The following PREX2 variants were observed in gnomAD, a reference collection of about 807,000 sequenced individuals.
PREX2 encodes phosphatidylinositol 3,4,5-trisphosphate-dependent Rac exchanger 2 protein.
In PREX2, 107 loss-of-function variants were observed where a neutral mutation model predicts 203.2. That is an observed-to-expected ratio of 0.53 (90% CI 0.45 to 0.62). The LOEUF (loss-of-function observed/expected upper bound fraction) is 0.62, where lower values mean the gene tolerates loss of function less well. Among genes scored for constraint, PREX2 ranks in the 20% least tolerant of loss-of-function variants. The pLI is 0.00. For missense variants in PREX2, 1,777 were observed against 1,955.9 expected (o/e 0.91, Z 1.72); for synonymous variants, 672 against 663.6 (o/e 1.01, Z -0.19).
chr8:68,174,242 C>A (rs1276362513), intron 35 of PREX2, among the ~76,000 whole-genome samples: 2 of 152,132 alleles, frequency 1.3e-5, no homozygotes, highest in Non-Finnish European at 2.9e-5. Flanking sequence ...GCAGCCAGAA[C>A]TTTTGATAGA....
intron 37 of PREX2, among the ~76,000 whole-genome samples, chr8:68,211,298 A>G (rs1357082945): frequency 6.6e-6 from 1 of 152,228 alleles, no homozygotes; most frequent in Non-Finnish European, 1.5e-5. Context: ...CTTTAGCTTC[A>G]TGTAATTATT....
Position 67,952,566 on chromosome 8 carries a change from T to G in PREX2, c.141+31T>G, listed in dbSNP as rs369261123. 3.8e-6 allele frequency: 6 copies of G among 1,597,384 alleles called. No individual in the cohort carries two copies. The African/African-American group carries it at 8.1e-5, about 21-fold the overall frequency. ...TGTCCCCGGCAGACGCAGGGGGACG[T>G]CCGGGCGGCGCGGGGCGCGGGTCCC... On this transcript the variant is annotated intron_variant, in intron 1 of 39. Coordinates refer to ENST00000288368, the MANE Select transcript of PREX2 (RefSeq NM_024870.4).
At chr8:68,079,282 A>G (rs1462479767) in intron 15 of PREX2, among the ~76,000 whole-genome samples, 1 of 152,260 alleles carries the variant, frequency 6.6e-6, no homozygotes, top group African/African-American at 2.4e-5. Flanking sequence ...CAGTCTTTCA[A>G]CCAAAGATCA....
chr8:68,033,817 A>G (rs1004879455), intron 6 of PREX2, among the ~76,000 whole-genome samples: 2 of 152,148 alleles, frequency 1.3e-5, no homozygotes, highest in Non-Finnish European at 2.9e-5. Flanking sequence ...TATGCGTTAT[A>G]ATCACATACA....
At chr8:68,203,711 T>C (rs1250591612) in intron 37 of PREX2, among the ~76,000 whole-genome samples, 1 of 152,104 alleles carries the variant, frequency 6.6e-6, no homozygotes, top group African/African-American at 2.4e-5. Context: ...TATTCCCTGG[T>C]GCCTCACATC....
intron 35 of PREX2, among the ~76,000 whole-genome samples, chr8:68,176,581 T>C (rs1230112556): frequency 6.6e-6 from 1 of 152,180 alleles, no homozygotes; most frequent in Non-Finnish European, 1.5e-5. Context: ...AATCTGTCCA[T>C]TCAGGCTACT....
intron 38 of PREX2, among the ~76,000 whole-genome samples, chr8:68,218,871 A>C (rs1217794022): frequency 6.6e-6 from 1 of 152,206 alleles, no homozygotes; most frequent in Non-Finnish European, 1.5e-5. Context: ...TAAAGTTTAG[A>C]GCTAAGAAGC....
chr8:67,993,752 T>G, intron 1 of PREX2, among the ~76,000 whole-genome samples: 1 of 152,280 alleles, frequency 6.6e-6, no homozygotes, highest in Admixed American at 6.5e-5. Flanking sequence ...GAGTATTTTA[T>G]CCAGGGCCAA....
chr8:68,027,714 T>G (rs1477133346), intron 5 of PREX2, among the ~76,000 whole-genome samples: 7 of 152,086 alleles, frequency 4.6e-5, no homozygotes. Flanking sequence ...GTGATGCTAA[T>G]GAAATTAAGG....
chr8:68,137,607 A>G (rs1249451614), intron 32 of PREX2, among the ~76,000 whole-genome samples: 1 of 152,166 alleles, frequency 6.6e-6, no homozygotes, highest in East Asian at 1.9e-4. Context: ...TACCTTTAGA[A>G]GATAAGCTAT....
At chr8:68,046,616 A>G (rs1808360415) in intron 8 of PREX2, among the ~76,000 whole-genome samples, 1 of 152,160 alleles carries the variant, frequency 6.6e-6, no homozygotes, top group Admixed American at 6.6e-5. Context: ...TTTAGTTGTC[A>G]TAAATTAGTT....
intron 1 of PREX2, among the ~76,000 whole-genome samples, chr8:68,013,068 A>G (rs1807312623): frequency 6.6e-6 from 1 of 152,342 alleles, no homozygotes; most frequent in East Asian, 1.9e-4. Flanking sequence ...GTTAAGAACA[A>G]AAGTCGTTAG....
intron 32 of PREX2, among the ~76,000 whole-genome samples, chr8:68,137,018 GTC>G (rs1187846881): frequency 6.6e-6 from 1 of 151,436 alleles, no homozygotes; most frequent in Admixed American, 6.6e-5. Context: ...TGATTCTCCT[GTC>G]TCAGCCTCCC....
intron 20 of PREX2, 105 bp downstream of exon 20, chr8:68,090,820 G>A: frequency 3.5e-6 from 3 of 848,818 alleles, no homozygotes; most frequent in South Asian, 2.4e-5. Context: ...CCAATTTTAA[G>A]TTTAAAATTA....
intron 18 of PREX2, among the ~76,000 whole-genome samples, chr8:68,086,398 G>A (rs980891645): frequency 6.6e-6 from 1 of 152,158 alleles, no homozygotes; most frequent in African/African-American, 2.4e-5. Flanking sequence ...ATAAACTGCA[G>A]ATAAGTCCTG....
intron 37 of PREX2, among the ~76,000 whole-genome samples, chr8:68,197,833 G>C (rs1812428979): frequency 6.7e-6 from 1 of 148,974 alleles, no homozygotes; most frequent in East Asian, 1.9e-4. Context: ...CATATAAAAT[G>C]AGCACATAGA....
chr8:67,980,994 A>G (rs4737871), intron 1 of PREX2, among the ~76,000 whole-genome samples: 52,414 of 152,116 alleles, frequency 0.34, 9,444 homozygotes, highest in East Asian at 0.61. Flanking sequence ...AACCTGGTGT[A>G]AGTAATCTAG....
In PREX2 at chr8:68,027,278, A is replaced by T. The variant is rs1395821618; in HGVS notation, c.498A>T (p.Leu166Phe). 6.2e-7 allele frequency: 1 copy of T among 1,611,930 alleles called. No homozygotes were observed. Among genetic ancestry groups the T allele is most frequent in the African/African-American group, 1.3e-5 (1 of 74,842 alleles). Reference sequence around the variant, plus strand: ...CAGATGTTCCCTTGGAAGGATATTTAGTAACACCAATACAAAGAATATGCA... The same window carrying T: ...CAGATGTTCCCTTGGAAGGATATTTTGTAACACCAATACAAAGAATATGCA... Reference protein sequence around the residue: ...KNTDVPLEGYLVTPIQRICKY... With the variant: ...KNTDVPLEGYFVTPIQRICKY... Residue 166 changes from leucine (L) to phenylalanine (F), a missense_variant, in exon 5 of 40, where the codon TTA becomes TTT. Leu to Phe is a conservative substitution (Grantham distance 22). Coordinates refer to ENST00000288368, the MANE Select transcript of PREX2 (RefSeq NM_024870.4).
At chr8:68,220,090 G>T (rs1812925387) in intron 38 of PREX2, 1 of 151,688 alleles carries the variant, frequency 6.6e-6, no homozygotes, top group East Asian at 1.9e-4. Flanking sequence ...AAAAAACTAA[G>T]ATTTTTTAAT....
Sources: allele counts gnomAD v4.1 joint callset (sites outside exome capture counted in the v4.1 genomes callset), GRCh38; gene constraint gnomAD v4.1.1; transcripts MANE v1.5; gene names NCBI Gene and HGNC (gene_info 2026-07-23, HGNC 2026-07-21).